PEBP4: variants seen among roughly 807,000 people sequenced by gnomAD.
PEBP4 encodes the protein phosphatidylethanolamine binding protein 4, also known as phosphatidylethanolamine-binding protein 4.
Under a neutral mutation model 23.9 loss-of-function variants are expected in PEBP4, and 22 were observed. That is an observed-to-expected ratio of 0.92 (90% CI 0.66 to 1.31). The LOEUF is 1.31. PEBP4 is among the 40% of genes most tolerant of loss of function. PEBP4 has a pLI of 0.00. For missense variants in PEBP4, 324 were observed against 281.7 expected (o/e 1.15, Z -1.07); for synonymous variants, 112 against 99.3 (o/e 1.13, Z -0.76).
At chr8:22,787,376 G>A (rs1260929918) in intron 4 of PEBP4, among the ~76,000 whole-genome samples, 2 of 152,108 alleles carry the variant, frequency 1.3e-5, no homozygotes, top group Non-Finnish European at 2.9e-5. Flanking sequence ...ATTACACTGA[G>A]TCTTAAAATC....
chr8:22,899,446 C>A (rs955712682), intron 3 of PEBP4, among the ~76,000 whole-genome samples: 2 of 152,220 alleles, frequency 1.3e-5, no homozygotes, highest in Non-Finnish European at 2.9e-5. Context: ...TTCGGAAAAG[C>A]CACACATGAA....
intron 3 of PEBP4, among the ~76,000 whole-genome samples, chr8:22,852,314 C>T (rs1807567414): frequency 6.6e-6 from 1 of 152,106 alleles, no homozygotes; most frequent in South Asian, 2.1e-4. Flanking sequence ...CTTTTTTTCC[C>T]TATCTGTTGT....
intron 4 of PEBP4, among the ~76,000 whole-genome samples, chr8:22,792,815 T>C (rs977622735): frequency 1.4e-5 from 2 of 138,266 alleles, no homozygotes; most frequent in African/African-American, 5.8e-5. Flanking sequence ...GTGTACAGGG[T>C]GCCATGGGGC....
chr8:22,893,274 GC>G, intron 3 of PEBP4, among the ~76,000 whole-genome samples: 1 of 152,296 alleles, frequency 6.6e-6, no homozygotes, highest in East Asian at 1.9e-4. Flanking sequence ...AAGTTTAAAA[GC>G]AAGTTTGAGA....
intron 3 of PEBP4, among the ~76,000 whole-genome samples, chr8:22,834,965 G>A (rs1807171826): frequency 6.6e-6 from 1 of 152,164 alleles, no homozygotes; most frequent in African/African-American, 2.4e-5. Flanking sequence ...TCCTATGATA[G>A]GGATTTTTCT....
intron 4 of PEBP4, among the ~76,000 whole-genome samples, chr8:22,773,353 A>T (rs955105607): frequency 6.6e-6 from 1 of 152,200 alleles, no homozygotes; most frequent in African/African-American, 2.4e-5. Context: ...CACAGGGGAC[A>T]GTTTCAATAT....
chr8:22,765,364 G>A (rs186973848), intron 4 of PEBP4, among the ~76,000 whole-genome samples: 312 of 152,158 alleles, frequency 2.1e-3, no homozygotes, highest in South Asian at 8.5e-3. Context: ...GGCTGGTCTC[G>A]AACTCCTGAC....
chr8:22,717,013 C>T (rs1007345432), intron 6 of PEBP4, among the ~76,000 whole-genome samples: 4 of 152,204 alleles, frequency 2.6e-5, no homozygotes, highest in Admixed American at 6.5e-5. Context: ...TAGTCTGGGT[C>T]CCTAGCAGAC....
chr8:22,876,081 T>G (rs527289403), intron 3 of PEBP4, among the ~76,000 whole-genome samples: 7 of 152,066 alleles, frequency 4.6e-5, no homozygotes, highest in African/African-American at 7.2e-5. Context: ...TGACTTATTT[T>G]GGTACTTTTA....
At chr8:22,825,445 C>T (rs1211729443) in intron 3 of PEBP4, among the ~76,000 whole-genome samples, 1 of 152,220 alleles carries the variant, frequency 6.6e-6, no homozygotes, top group African/African-American at 2.4e-5. Flanking sequence ...ATACTTGCCA[C>T]ATGTTTTCTT....
At chr8:22,781,771 G>C (rs1170986109) in intron 4 of PEBP4, among the ~76,000 whole-genome samples, 1 of 152,190 alleles carries the variant, frequency 6.6e-6, no homozygotes, top group Non-Finnish European at 1.5e-5. Context: ...TCAGGCTCAG[G>C]GACCCCAGCT....
chr8:22,769,768 G>A (rs1805682094), intron 4 of PEBP4, among the ~76,000 whole-genome samples: 1 of 152,008 alleles, frequency 6.6e-6, no homozygotes, highest in Non-Finnish European at 1.5e-5. Flanking sequence ...AAATTCCATT[G>A]TTTTTCTTCG....
At chr8:22,854,531 C>A (rs1297995156) in intron 3 of PEBP4, among the ~76,000 whole-genome samples, 1 of 152,134 alleles carries the variant, frequency 6.6e-6, no homozygotes, top group Non-Finnish European at 1.5e-5. Context: ...AAACCACCTC[C>A]ACGACTGCCA....
chr8:22,800,841 T>C (rs1806366190), intron 4 of PEBP4, among the ~76,000 whole-genome samples: 1 of 152,132 alleles, frequency 6.6e-6, no homozygotes, highest in Non-Finnish European at 1.5e-5. Context: ...GAATGCCAGT[T>C]TCCTTTCTTA....
intron 4 of PEBP4, among the ~76,000 whole-genome samples, chr8:22,768,822 C>A (rs1378924739): frequency 6.6e-6 from 1 of 152,136 alleles, no homozygotes; most frequent in African/African-American, 2.4e-5. Flanking sequence ...CCACCCTTGG[C>A]TGTGTCACCG....
At chr8:22,737,994 C>A (rs1472356377) in intron 4 of PEBP4, among the ~76,000 whole-genome samples, 1 of 152,132 alleles carries the variant, frequency 6.6e-6, no homozygotes, top group Non-Finnish European at 1.5e-5. Flanking sequence ...CCTCCGTCCA[C>A]CCTTGGAGCC....
intron 4 of PEBP4, among the ~76,000 whole-genome samples, chr8:22,758,509 C>G (rs1241220907): frequency 2.0e-5 from 3 of 152,168 alleles, no homozygotes; most frequent in Non-Finnish European, 2.9e-5. Context: ...TTGCAGGGGG[C>G]CGGTTTACCT....
At position 22,733,444 on chromosome 8, in the gene PEBP4, G is replaced by C. The variant is rs57234057; in HGVS notation, c.358-6224C>G. On this transcript the variant is annotated intron_variant, in intron 4 of 6. Transcript: ENST00000256404. ...CACCTGGGGAACCCCTTAGGTAAAG[G>C]CTCTTTGGCTGGATTTGGTAGGTCT... is the stretch of plus-strand genomic sequence containing the variant. 1.9e-3 allele frequency among the ~76,000 whole-genome samples: 287 copies of C among 152,220 alleles called. 1 individual carries two copies. Among genetic ancestry groups the C allele is most frequent in the African/African-American group, 6.5e-3 (272 of 41,536 alleles).
chr8:22,765,016 C>T (rs968364249), intron 4 of PEBP4, among the ~76,000 whole-genome samples: 2 of 152,098 alleles, frequency 1.3e-5, no homozygotes, highest in African/African-American at 4.8e-5. Flanking sequence ...CTGCAAATCG[C>T]GGTTCTGCCA....
Sources: allele counts gnomAD v4.1 joint callset (sites outside exome capture counted in the v4.1 genomes callset), GRCh38; gene constraint gnomAD v4.1.1; transcripts MANE v1.5; gene names NCBI Gene and HGNC (gene_info 2026-07-23, HGNC 2026-07-21).